SMYD3: variants seen among roughly 807,000 people sequenced by gnomAD.
The protein encoded by SMYD3 is SET and MYND domain containing 3, also known as histone-lysine N-methyltransferase SMYD3.
Under a neutral mutation model 57.7 loss-of-function variants are expected in SMYD3, and 36 were observed. That is an observed-to-expected ratio of 0.62 (90% CI 0.48 to 0.82). SMYD3 has a LOEUF of 0.82. SMYD3 is among the 40% of genes least tolerant of loss of function. The pLI is 0.00. For synonymous variants in SMYD3, 211 were observed against 195.0 expected (o/e 1.08, Z -0.68); for missense variants, 515 against 538.8 (o/e 0.96, Z 0.44).
chr1:246,001,844 G>T (rs2148151821), intron 5 of SMYD3, among the ~76,000 whole-genome samples: 1 of 152,236 alleles, frequency 6.6e-6, no homozygotes, highest in Non-Finnish European at 1.5e-5. Context: ...TCAGAGAAGA[G>T]CATTAAACTG....
At chr1:246,505,468 G>C (rs1024881441) in intron 1 of SMYD3, among the ~76,000 whole-genome samples, 1 of 149,652 alleles carries the variant, frequency 6.7e-6, no homozygotes, top group African/African-American at 2.6e-5. Flanking sequence ...AGTGTCTATG[G>C]TGTTCGTGGT....
Position 246,014,317 on chromosome 1 carries a change from TCAAA to T in SMYD3, c.532-84384_532-84381del, listed in dbSNP as rs569176040. On this transcript the variant is annotated intron_variant, in intron 5 of 11. Coordinates refer to ENST00000490107, the MANE Select transcript of SMYD3 (RefSeq NM_001167740.2). ...AGGCTGGGTGAAGAACAAGACTGTCTCAAACAAACAAACAAATAAAAAAGTGAGT... is the reference window on the plus strand; with the variant it reads ...AGGCTGGGTGAAGAACAAGACTGTCTCAAACAAACAAATAAAAAAGTGAGT... Among the ~76,000 whole-genome samples, 30 of 152,220 alleles carry T rather than the reference TCAAA, an allele frequency of 2.0e-4. 1 individual carries two copies. In the South Asian group the frequency reaches 6.2e-3, roughly 32 times the overall value.
At chr1:245,946,479 A>G (rs1182904785) in intron 5 of SMYD3, among the ~76,000 whole-genome samples, 3 of 152,156 alleles carry the variant, frequency 2.0e-5, no homozygotes, top group Non-Finnish European at 4.4e-5. Context: ...CACCTCTTCC[A>G]GTTCTCCAAT....
chr1:246,112,437 A>G (rs2061260478), intron 5 of SMYD3, among the ~76,000 whole-genome samples: 1 of 152,222 alleles, frequency 6.6e-6, no homozygotes, highest in African/African-American at 2.4e-5. Context: ...TATTTGGATT[A>G]CTTTATTTGC....
At chr1:245,764,550 A>C (rs1558312734) in intron 10 of SMYD3, among the ~76,000 whole-genome samples, 1 of 152,094 alleles carries the variant, frequency 6.6e-6, no homozygotes, top group African/African-American at 2.4e-5. Flanking sequence ...ATTGCCTCTC[A>C]ATATATATTT....
At chr1:246,050,811 A>C (rs2060054171) in intron 5 of SMYD3, among the ~76,000 whole-genome samples, 1 of 152,198 alleles carries the variant, frequency 6.6e-6, no homozygotes, top group Admixed American at 6.5e-5. Flanking sequence ...CATGGCTTAA[A>C]GGAGTCAGGC....
rs1428961012 is a variant in SMYD3, at chr1:246,101,076, T to G, written c.532-171139A>C. Among the ~76,000 whole-genome samples, 8 of 122,598 alleles carry G rather than the reference T, an allele frequency of 6.5e-5. No individual in the cohort carries two copies. The South Asian group carries it at 1.5e-3, about 23-fold the overall frequency. The allele number at this position is 122,598 out of a possible 152,430, so 80.4% of individuals were successfully genotyped here. On this transcript the variant is annotated intron_variant, in intron 5 of 11. Transcript: ENST00000490107. ...TGTATTTTTAGGGGTTTTTTGTTTTTTTTTTTTTTTTTTTTTTTTTTTTTA... is the reference window on the plus strand; with the variant it reads ...TGTATTTTTAGGGGTTTTTTGTTTTGTTTTTTTTTTTTTTTTTTTTTTTTA...
At chr1:246,003,824 C>G (rs980696389) in intron 5 of SMYD3, among the ~76,000 whole-genome samples, 1 of 152,190 alleles carries the variant, frequency 6.6e-6, no homozygotes, top group Non-Finnish European at 1.5e-5. Flanking sequence ...ACAGTTTTCC[C>G]ATGTGATTCT....
intron 5 of SMYD3, among the ~76,000 whole-genome samples, chr1:246,271,637 C>T (rs908736580): frequency 3.9e-5 from 6 of 152,142 alleles, no homozygotes; most frequent in Non-Finnish European, 8.8e-5. Context: ...TGGACTTTCC[C>T]GTTGATTCCA....
chr1:246,083,818 A>C (rs2060682633), intron 5 of SMYD3, among the ~76,000 whole-genome samples: 1 of 152,116 alleles, frequency 6.6e-6, no homozygotes, highest in Admixed American at 6.6e-5. Context: ...CAAACAAAAA[A>C]CCCACACAAT....
chr1:246,243,879 G>A (rs1353725227), intron 5 of SMYD3, among the ~76,000 whole-genome samples: 1 of 151,398 alleles, frequency 6.6e-6, no homozygotes, highest in Non-Finnish European at 1.5e-5. Context: ...TGTAAAAGGT[G>A]GGGATTTTTT....
intron 5 of SMYD3, among the ~76,000 whole-genome samples, chr1:245,955,093 G>A (rs1488820238): frequency 6.6e-6 from 1 of 152,022 alleles, no homozygotes; most frequent in African/African-American, 2.4e-5. Flanking sequence ...GGCCCATGTG[G>A]TGTTTTGTTT....
chr1:245,800,036 G>A (rs536847584), intron 10 of SMYD3, among the ~76,000 whole-genome samples: 7 of 152,330 alleles, frequency 4.6e-5, no homozygotes, highest in African/African-American at 1.7e-4. Flanking sequence ...GTGCAGCCGT[G>A]GGCCTAAGGT....
chr1:246,232,474 A>G (rs891483901), intron 5 of SMYD3, among the ~76,000 whole-genome samples: 4 of 151,872 alleles, frequency 2.6e-5, no homozygotes, highest in African/African-American at 9.7e-5. Flanking sequence ...CACTCCTTCA[A>G]TTCACACAGT....
chr1:245,836,597 C>A (rs1188656711), intron 10 of SMYD3, among the ~76,000 whole-genome samples: 9 of 152,170 alleles, frequency 5.9e-5, no homozygotes, highest in African/African-American at 2.2e-4. Context: ...AGTGGACCGT[C>A]CTAAACATGT....
At chr1:246,444,266 C>CAGGT (rs2067516714) in intron 1 of SMYD3, among the ~76,000 whole-genome samples, 1 of 152,088 alleles carries the variant, frequency 6.6e-6, no homozygotes, top group Non-Finnish European at 1.5e-5. Context: ...GTTGGGATTA[C>CAGGT]AGGCATGTGC....
At chr1:246,289,667 C>T (rs1351270230) in intron 5 of SMYD3, among the ~76,000 whole-genome samples, 1 of 152,180 alleles carries the variant, frequency 6.6e-6, no homozygotes, top group African/African-American at 2.4e-5. Context: ...GATAATTCGA[C>T]TGCTTGGTGC....
chr1:246,395,701 G>A (rs1203612643), intron 1 of SMYD3, among the ~76,000 whole-genome samples: 3 of 34,370 alleles, frequency 8.7e-5, no homozygotes, highest in Non-Finnish European at 1.9e-4. Context: ...ACCCACCATG[G>A]CTGGACAGGG....
At chr1:245,842,667 C>T (rs2050463915) in intron 10 of SMYD3, among the ~76,000 whole-genome samples, 1 of 152,172 alleles carries the variant, frequency 6.6e-6, no homozygotes, top group South Asian at 2.1e-4. Flanking sequence ...ATTCTATTCA[C>T]TCATCTCCAC....
Sources: gnomAD v4.1 joint callset for allele counts (sites outside exome capture counted in the v4.1 genomes callset) on GRCh38, gnomAD v4.1.1 for gene constraint, MANE v1.5 for transcripts, NCBI Gene and HGNC (gene_info 2026-07-23, HGNC 2026-07-21) for gene names.